MGAM: variants seen among roughly 807,000 people sequenced by gnomAD.
MGAM encodes maltase-glucoamylase.
In MGAM, 253 loss-of-function variants were observed where a neutral mutation model predicts 358.8. That is an observed-to-expected ratio of 0.71 (90% CI 0.64 to 0.78). The LOEUF (loss-of-function observed/expected upper bound fraction) is 0.78, where lower values mean the gene tolerates loss of function less well. Ranked by LOEUF, MGAM falls within the 30% of genes least tolerant of loss-of-function variation. The probability of loss-of-function intolerance (pLI) is 0.00; values close to 1 mark genes in which losing one functional copy is unlikely to be tolerated. For synonymous variants in MGAM, 1,105 were observed against 1,227.1 expected (o/e 0.90, Z 2.08); for missense variants, 3,080 against 3,432.6 (o/e 0.90, Z 2.57).
At chr7:142,066,370 T>C (rs546945860) in intron 40 of MGAM, among the ~76,000 whole-genome samples, 1 of 146,408 alleles carries the variant, frequency 6.8e-6, no homozygotes, top group South Asian at 2.2e-4. Flanking sequence ...AAAAAGAATG[T>C]CTTACAGTGA....
intron 22 of MGAM, among the ~76,000 whole-genome samples, chr7:142,048,591 A>C (rs904410064): frequency 6.7e-6 from 1 of 148,548 alleles, no homozygotes; most frequent in Non-Finnish European, 1.5e-5. Context: ...CCAGTGAGGC[A>C]GTGAGAATAT....
At chr7:142,063,418 T>C in intron 35 of MGAM, 81 bp from the exon 36 acceptor site, 1 of 1,513,466 alleles carries the variant, frequency 6.6e-7, no homozygotes, top group Non-Finnish European at 9.0e-7. Flanking sequence ...TTGAACAATT[T>C]ATTCACTACT....
chr7:142,040,789 AC>A lies in MGAM; in HGVS notation c.2443del (p.Leu815PhefsTer30), dbSNP rs780079746. The A allele has an allele frequency of 8.1e-6, 13 of 1,613,186 alleles. No homozygotes were observed. The African/African-American group carries it at 1.7e-4, about 22-fold the overall frequency. On this transcript the variant is annotated frameshift_variant, in exon 21 of 71. Transcript: ENST00000475668. LOFTEE classifies it high-confidence loss of function. ...MELPGDKIGL[H>X]LRGGYIFPTQ... ...CTTCCTGGAGACAAAATTGGACTTC[AC>A]CTTCGAGGAGGCTACATCTTCCCCA...
chr7:142,044,076 C>CACATATGACGTATAATAT (rs1312176254), intron 21 of MGAM, among the ~76,000 whole-genome samples: 1 of 123,768 alleles, frequency 8.1e-6, no homozygotes, highest in African/African-American at 3.1e-5. Context: ...ACGTATAATA[C>CACATATGACGTATAATAT]ATTATATACA....
At chr7:142,057,063 AT>A in intron 30 of MGAM, 121 bp downstream of exon 30, 2 of 868,522 alleles carry the variant, frequency 2.3e-6, no homozygotes, top group Non-Finnish European at 3.5e-6. Flanking sequence ...TTGGAGAGAG[AT>A]TATAGAATGA....
In MGAM at chr7:142,106,582, A is replaced by G. The variant is rs1438272616; in HGVS notation, c.*691A>G. 1 of 152,238 alleles carries G rather than the reference A, an allele frequency of 6.6e-6. No homozygotes were observed. The highest frequency in any genetic ancestry group is 1.5e-5 in the Non-Finnish European group (1 of 68,034). 9.4% of individuals were successfully genotyped at this position (152,238 alleles called of 1,614,324 possible). A position where few individuals can be genotyped will look rare whatever the true frequency, so the allele number is the denominator to read the frequency against. ...GGGCTACTGGTGAGATTGAGATCTG[A>G]GCAGGCAAAGCTCAAAAGAGAGTTT... On this transcript the variant is annotated 3_prime_UTR_variant, in exon 71 of 71. Transcript: ENST00000475668.
At position 142,043,544 on chromosome 7, in the gene MGAM, T is replaced by TATG. The variant is rs1809372654; in HGVS notation, c.2498+2700_2498+2701insGAT. Among the ~76,000 whole-genome samples the TATG allele has an allele frequency of 1.8e-5, 2 of 108,568 alleles. 1 individual carries two copies. Among genetic ancestry groups the TATG allele is most frequent in the African/African-American group, 7.5e-5 (2 of 26,624 alleles). 71.2% of individuals were successfully genotyped at this position (108,568 alleles called of 152,430 possible). On this transcript the variant is annotated intron_variant, in intron 21 of 70. Coordinates refer to ENST00000475668, the MANE Select transcript of MGAM (RefSeq NM_001365693.1). The stretch of plus-strand genomic sequence containing the variant: ...CTAAATATAATATGAATTATATAGA[T>TATG]ATATCTAAATATATATATTATATAT...
At position 142,106,016 on chromosome 7, in the gene MGAM, T is replaced by C; in HGVS notation, c.*125T>C. The C allele has an allele frequency of 3.9e-6, 3 of 773,118 alleles. No individual in the cohort carries two copies. The highest frequency in any genetic ancestry group is 6.4e-6 in the Non-Finnish European group (3 of 472,132). The allele number at this position is 773,118 out of a possible 1,614,324, so 47.9% of individuals were successfully genotyped here. On this transcript the variant is annotated 3_prime_UTR_variant, in exon 71 of 71. Coordinates refer to ENST00000475668, the MANE Select transcript of MGAM (RefSeq NM_001365693.1). ...ACTATTGGTGAAATATTTCTGTTAATTTTGTTATATGTTTTTTGTGTGAAC... is the reference window on the plus strand; with the variant it reads ...ACTATTGGTGAAATATTTCTGTTAACTTTGTTATATGTTTTTTGTGTGAAC...
chr7:142,007,045 A>G (rs1805221012), intron 2 of MGAM, among the ~76,000 whole-genome samples: 1 of 151,950 alleles, frequency 6.6e-6, no homozygotes. Flanking sequence ...TTTTCCACCC[A>G]AGCTTCACCG....
rs779261743 is a variant in MGAM at position 142,063,571 on chromosome 7, C to T, written c.4330C>T (p.Pro1444Ser). The T allele has an allele frequency of 8.7e-6, 14 of 1,613,398 alleles. No homozygotes were observed. Among genetic ancestry groups the T allele is most frequent in the Non-Finnish European group, 1.2e-5 (14 of 1,179,724 alleles). The change falls in exon 36 of 71, where the codon CCT becomes TCT. Residue 1444 changes from proline (P) to serine (S), a missense_variant. Transcript: ENST00000475668. ...PGCRDASLNH[P>S]PYMPHLESRD... ...CTGCAGGGACGCCTCTCTGAACCAC[C>T]CTCCCTACATGCCACGTAAGAAGCC...
In MGAM at chr7:142,094,222, C is replaced by A. The variant is rs1243401576; in HGVS notation, c.7173-142C>A. The A allele has an allele frequency of 3.3e-5, 34 of 1,018,626 alleles. 3 individuals are homozygous for A. The highest frequency in any genetic ancestry group is 4.8e-5 in the Non-Finnish European group (34 of 702,634). The allele number at this position is 1,018,626 out of a possible 1,614,324, so 63.1% of individuals were successfully genotyped here. A position where few individuals can be genotyped will look rare whatever the true frequency, so the allele number is the denominator to read the frequency against. On this transcript the variant is annotated intron_variant, in intron 60 of 70. Coordinates refer to ENST00000475668, the MANE Select transcript of MGAM (RefSeq NM_001365693.1). ...TCTCCATCATCTGGGATCAGTGGAG[C>A]CCCCATTACAGCTCAGAGTCCCGTG...
At position 142,040,114 on chromosome 7, in the gene MGAM, G is replaced by T; in HGVS notation, c.2317-1G>T. On this transcript the variant is annotated splice_acceptor_variant, in intron 19 of 70. Coordinates refer to ENST00000475668, the MANE Select transcript of MGAM (RefSeq NM_001365693.1). LOFTEE classifies it high-confidence loss of function. Reference sequence around the variant, plus strand: ...GGGACACTACATTTTTTTAATTTCAGGGTGCAGAGAAAGTGATGGCATATG... The same window carrying T: ...GGGACACTACATTTTTTTAATTTCATGGTGCAGAGAAAGTGATGGCATATG... The T allele has an allele frequency of 6.2e-7, 1 of 1,609,938 alleles. No individual in the cohort carries two copies. Among genetic ancestry groups the T allele is most frequent in the Non-Finnish European group, 8.5e-7 (1 of 1,177,078 alleles).
At chr7:142,055,452 A>T in intron 27 of MGAM, 106 bp from the exon 28 acceptor site, 1 of 1,388,572 alleles carries the variant, frequency 7.2e-7, no homozygotes, top group African/African-American at 1.4e-5. Flanking sequence ...GGATATGAAC[A>T]GCTTCTTGGT....
rs1816422457 is a variant in MGAM, at chr7:142,101,293, T to A, written c.7963+403T>A. Among the ~76,000 whole-genome samples the A allele has an allele frequency of 2.0e-5, 3 of 152,158 alleles. No homozygotes were observed. The South Asian group carries it at 6.2e-4, about 32-fold the overall frequency. On this transcript the variant is annotated intron_variant, in intron 68 of 70. Transcript: ENST00000475668. ...TGGGATATTTTCTATTAGGAGTTTATAGGAATTGGTAAACTCTCAGGAGGA... is the reference window on the plus strand; with the variant it reads ...TGGGATATTTTCTATTAGGAGTTTAAAGGAATTGGTAAACTCTCAGGAGGA...
chr7:142,065,466 T>C lies in MGAM; in HGVS notation c.4616T>C (p.Ile1539Thr), dbSNP rs753970177. Residue 1539 changes from isoleucine to threonine, a missense_variant and splice_region_variant, in exon 38 of 71, where the codon ATT becomes ACT. Physicochemically the swap from Ile to Thr is moderately conservative, Grantham distance 89 (BLOSUM62 -1). Transcript: ENST00000475668. Reference sequence around the variant, plus strand: ...TGGGATCAGCTGAAGAAGTCTATCATTGGTGCGTGGGTCCTTCCCCAGGGC... The same window carrying C: ...TGGGATCAGCTGAAGAAGTCTATCACTGGTGCGTGGGTCCTTCCCCAGGGC... ...AAWDQLKKSI[I>T]GMMEFSLFGI... 3.7e-6 allele frequency: 6 copies of C among 1,610,526 alleles called. No individual in the cohort carries two copies. In the Admixed American group the frequency reaches 5.0e-5, roughly 13 times the overall value.
chr7:142,050,647 T>TGTGTA, intron 23 of MGAM, 50 bp from the exon 24 acceptor site: 1 of 1,538,524 alleles, frequency 6.5e-7, no homozygotes, highest in East Asian at 2.3e-5. Context: ...CTTGAGAATC[T>TGTGTA]GTGTATACTC....
At chr7:142,105,713 G>A (rs1478530024) in intron 70 of MGAM, 101 bp from the exon 71 acceptor site, 3 of 836,014 alleles carry the variant, frequency 3.6e-6, no homozygotes, top group South Asian at 1.4e-5. Flanking sequence ...CAATGTAGAA[G>A]TATTAGGGGG....
At chr7:142,018,939 GTT>G (rs374796072) in intron 3 of MGAM, among the ~76,000 whole-genome samples, 14 of 146,286 alleles carry the variant, frequency 9.6e-5, no homozygotes, top group African/African-American at 3.0e-4. Context: ...ATATTTATGA[GTT>G]TTTTTTTTTG....
In MGAM at chr7:142,063,726, C is replaced by T. The variant is rs1812456755; in HGVS notation, c.4345+140C>T. The stretch of plus-strand genomic sequence containing the variant: ...GTTTACTGGGGACCAGAGACAAAAG[C>T]TCTGCACGTGCTTTACCCAGCCGGG... On this transcript the variant is annotated intron_variant, in intron 36 of 70. Transcript: ENST00000475668. 6.9e-6 allele frequency: 7 copies of T among 1,013,530 alleles called. No homozygotes were observed. The South Asian group carries it at 1.1e-4, about 16-fold the overall frequency. 62.8% of individuals were successfully genotyped at this position (1,013,530 alleles called of 1,614,324 possible).
Sources: allele counts gnomAD v4.1 joint callset (sites outside exome capture counted in the v4.1 genomes callset), GRCh38; gene constraint gnomAD v4.1.1; transcripts MANE v1.5; gene names NCBI Gene and HGNC (gene_info 2026-07-23, HGNC 2026-07-21).